Variants in BCAS3 observed in about 807,000 individuals in gnomAD.
BCAS3 encodes BCAS3 microtubule associated cell migration factor, also known as BCAS4/BCAS3 fusion.
In BCAS3, 53 loss-of-function variants were observed where a neutral mutation model predicts 116.1. That is an observed-to-expected ratio of 0.46 (90% CI 0.37 to 0.57). The LOEUF is 0.57. Among genes scored for constraint, BCAS3 ranks in the 20% least tolerant of loss-of-function variants. The pLI is 0.00. For synonymous variants in BCAS3, 391 were observed against 408.2 expected, an observed-to-expected ratio of 0.96 and a Z score of 0.51; for missense variants, 917 against 1,165.4, an observed-to-expected ratio of 0.79 and a Z score of 3.10.
intron 14 of BCAS3, among the ~76,000 whole-genome samples, chr17:60,955,276 A>G (rs1370358165): frequency 6.6e-6 from 1 of 152,114 alleles, no homozygotes; most frequent in African/African-American, 2.4e-5. Context: ...CTTCTGTGTA[A>G]CCATAAAAAA....
chr17:61,091,309 C>T (rs2073546415), intron 22 of BCAS3, among the ~76,000 whole-genome samples: 1 of 152,112 alleles, frequency 6.6e-6, no homozygotes, highest in Admixed American at 6.5e-5. Flanking sequence ...ACCAAAGACC[C>T]AACTTTTCAC....
At chr17:61,306,275 AT>A (rs2053850170) in intron 22 of BCAS3, among the ~76,000 whole-genome samples, 1 of 152,192 alleles carries the variant, frequency 6.6e-6, no homozygotes, top group African/African-American at 2.4e-5. Flanking sequence ...AGCTATTTGT[AT>A]TTCTTCATCA....
At chr17:60,848,894 G>A (rs1037426239) in intron 7 of BCAS3, among the ~76,000 whole-genome samples, 3 of 151,980 alleles carry the variant, frequency 2.0e-5, no homozygotes, top group African/African-American at 7.3e-5. Context: ...AACCAGGACA[G>A]TCCTTGAATG....
chr17:61,372,918 G>T (rs1329844333), intron 23 of BCAS3, among the ~76,000 whole-genome samples: 1 of 152,008 alleles, frequency 6.6e-6, no homozygotes, highest in Non-Finnish European at 1.5e-5. Flanking sequence ...CTTAATACCA[G>T]TAAAAAAGCT....
chr17:61,085,734 C>T (rs983802212), intron 22 of BCAS3, among the ~76,000 whole-genome samples: 3 of 152,082 alleles, frequency 2.0e-5, no homozygotes, highest in Non-Finnish European at 2.9e-5. Context: ...TGTGTAGAGT[C>T]GCTATCATTG....
At chr17:61,329,925 G>C (rs2056122484) in intron 22 of BCAS3, among the ~76,000 whole-genome samples, 1 of 152,178 alleles carries the variant, frequency 6.6e-6, no homozygotes, top group Non-Finnish European at 1.5e-5. Flanking sequence ...CGAGCATTTA[G>C]TGAGAATTTC....
chr17:61,018,888 T>G (rs191729466), intron 16 of BCAS3, among the ~76,000 whole-genome samples: 1 of 152,304 alleles, frequency 6.6e-6, no homozygotes, highest in African/African-American at 2.4e-5. Flanking sequence ...ATAATGATTT[T>G]TCTACTTGTA....
chr17:61,287,758 A>G (rs570550279), intron 22 of BCAS3, among the ~76,000 whole-genome samples: 2 of 152,290 alleles, frequency 1.3e-5, no homozygotes, highest in South Asian at 4.1e-4. Context: ...AAAAACACCA[A>G]CAAGCCAAAA....
intron 9 of BCAS3, among the ~76,000 whole-genome samples, chr17:60,876,651 T>G (rs1217981828): frequency 6.6e-6 from 1 of 152,168 alleles, no homozygotes; most frequent in African/African-American, 2.4e-5. Context: ...TTTGATACAT[T>G]TCTTAATTTC....
chr17:61,005,705 A>G (rs1323764548), intron 15 of BCAS3, among the ~76,000 whole-genome samples: 1 of 150,304 alleles, frequency 6.7e-6, no homozygotes, highest in Non-Finnish European at 1.5e-5. Context: ...TTGCTCTTTC[A>G]GTTTACATCA....
In BCAS3 at chr17:61,106,009, G is replaced by A. The variant is rs1770594353; in HGVS notation, c.2425+21445G>A. ...TGTCTGGCATCTCCAGGCTGTCTATGCTACCTATCCTTTGGTCACTTGGCA... is the reference window on the plus strand; with the variant it reads ...TGTCTGGCATCTCCAGGCTGTCTATACTACCTATCCTTTGGTCACTTGGCA... On this transcript the variant is annotated intron_variant, in intron 22 of 23. Coordinates refer to ENST00000407086, the MANE Select transcript of BCAS3 (RefSeq NM_017679.5). The surrounding 1 kb of genome is among the most constrained non-coding windows in gnomAD (Gnocchi z 4.2). 6.6e-6 allele frequency among the ~76,000 whole-genome samples: 1 copy of A among 152,116 alleles called. No individual in the cohort carries two copies.
intron 13 of BCAS3, among the ~76,000 whole-genome samples, chr17:60,939,857 A>C (rs972986346): frequency 2.0e-4 from 31 of 152,238 alleles, no homozygotes; most frequent in African/African-American, 6.8e-4. Context: ...GCAATGGACA[A>C]ATATTCTCAA....
In BCAS3 at chr17:61,021,583, C is replaced by T. The variant is rs563550834; in HGVS notation, c.1637+5682C>T. On this transcript the variant is annotated intron_variant, in intron 16 of 23. Transcript: ENST00000407086. The surrounding 1 kb of genome is among the most constrained non-coding windows in gnomAD (Gnocchi z 4.6). Reference sequence around the variant, plus strand: ...ATATATGGATTATAATCTTTTAATCCTTATCATGTATGAGTTTCTACCAGT... The same window carrying T: ...ATATATGGATTATAATCTTTTAATCTTTATCATGTATGAGTTTCTACCAGT... 1.5e-3 allele frequency among the ~76,000 whole-genome samples: 224 copies of T among 152,144 alleles called. 1 individual carries two copies. Among genetic ancestry groups the T allele is most frequent in the African/African-American group, 4.7e-3 (193 of 41,504 alleles).
intron 13 of BCAS3, among the ~76,000 whole-genome samples, chr17:60,935,405 T>C (rs2059865804): frequency 1.3e-5 from 2 of 152,204 alleles, no homozygotes; most frequent in Non-Finnish European, 1.5e-5. Flanking sequence ...TTTATAATTT[T>C]CTCTTTGTTC....
Position 61,020,538 on chromosome 17 carries a change from G to A in BCAS3, c.1637+4637G>A, listed in dbSNP as rs185678207. 2.3e-3 allele frequency among the ~76,000 whole-genome samples: 355 copies of A among 152,248 alleles called. 5 individuals carry two copies. The highest frequency in any genetic ancestry group is 4.1e-4 in the South Asian group (2 of 4,820). Reference sequence around the variant, plus strand: ...CTCTGTTTTCTTTCAGTTTAAGACTGGAGGTTTAAAAAGTCCAGGTTATCA... The same window carrying A: ...CTCTGTTTTCTTTCAGTTTAAGACTAGAGGTTTAAAAAGTCCAGGTTATCA... On this transcript the variant is annotated intron_variant, in intron 16 of 23. Coordinates refer to ENST00000407086, the MANE Select transcript of BCAS3 (RefSeq NM_017679.5). The surrounding 1 kb of genome is among the most constrained non-coding windows in gnomAD (Gnocchi z 4.5).
chr17:60,850,646 A>C (rs559872337), intron 7 of BCAS3, among the ~76,000 whole-genome samples: 1 of 152,166 alleles, frequency 6.6e-6, no homozygotes, highest in East Asian at 1.9e-4. Context: ...GGCGTGAGCC[A>C]CTGCGCCCGG....
intron 5 of BCAS3, among the ~76,000 whole-genome samples, chr17:60,737,501 A>G (rs1038431396): frequency 1.3e-5 from 2 of 151,616 alleles, no homozygotes; most frequent in African/African-American, 2.4e-5. Context: ...TTAATTTTAG[A>G]TCTTTCTTGT....
Position 60,830,855 on chromosome 17 carries a change from T to G in BCAS3, c.476+22779T>G, listed in dbSNP as rs570033250. On this transcript the variant is annotated intron_variant, in intron 7 of 23. Coordinates refer to ENST00000407086, the MANE Select transcript of BCAS3 (RefSeq NM_017679.5). ...AGCCAAGATTTAATTTTTGGGTTTT[T>G]TTTTTTTTTTAAATAAACATCCTTT... Among the ~76,000 whole-genome samples, 796 of 152,090 alleles carry G rather than the reference T, an allele frequency of 5.2e-3. 7 individuals are homozygous for G. Among genetic ancestry groups the G allele is most frequent in the African/African-American group, 0.018 (747 of 41,506 alleles).
Position 61,229,208 on chromosome 17 carries a change from AT to A in BCAS3, c.2426-139118del, listed in dbSNP as rs1205000479. Among the ~76,000 whole-genome samples, 1 of 152,208 alleles carries A rather than the reference AT, an allele frequency of 6.6e-6. No homozygotes were observed. Among genetic ancestry groups the A allele is most frequent in the East Asian group, 1.9e-4 (1 of 5,196 alleles). ...CCACATTCCTTTAAGCCAAAGCCTAATCCAGAGCAAGGCCCTACCTCTTTCA... is the reference window on the plus strand; with the variant it reads ...CCACATTCCTTTAAGCCAAAGCCTAACCAGAGCAAGGCCCTACCTCTTTCA... On this transcript the variant is annotated intron_variant, in intron 22 of 23. Coordinates refer to ENST00000407086, the MANE Select transcript of BCAS3 (RefSeq NM_017679.5). This position sits in a 1 kb window ranked among gnomAD's most constrained non-coding sequence, Gnocchi z 4.4.
Sources: allele counts gnomAD v4.1 joint callset (sites outside exome capture counted in the v4.1 genomes callset), GRCh38; gene constraint gnomAD v4.1.1; non-coding constraint Gnocchi (gnomAD v3.1); transcripts MANE v1.5; gene names NCBI Gene and HGNC (gene_info 2026-07-23, HGNC 2026-07-21).